The following MCTP2 variants were observed in gnomAD, a reference collection of about 807,000 sequenced individuals.
MCTP2 encodes the protein multiple C2 and transmembrane domain-containing protein 2.
In MCTP2, 132 loss-of-function variants were observed where a neutral mutation model predicts 111.6. That is an observed-to-expected ratio of 1.18 (90% confidence interval 1.03 to 1.37). The LOEUF is 1.37. MCTP2 is among the 40% of genes most tolerant of loss of function. The probability of loss-of-function intolerance (pLI) is 0.00; values close to 1 mark genes in which losing one functional copy is unlikely to be tolerated. For synonymous variants in MCTP2, 395 were observed against 387.7 expected (o/e 1.02, Z -0.22); for missense variants, 1,183 against 1,067.9 (o/e 1.11, Z -1.50).
intron 19 of MCTP2, among the ~76,000 whole-genome samples, chr15:94,443,214 T>G (rs1379518761): frequency 1.3e-5 from 2 of 152,124 alleles, no homozygotes; most frequent in African/African-American, 4.8e-5. Flanking sequence ...GGCCTTTCAT[T>G]GGATACAAGC....
rs1289511083 is a variant in MCTP2, at chr15:94,398,996, G to C, written c.1824G>C (p.Lys608Asn). 6.4e-7 allele frequency: 1 copy of C among 1,562,688 alleles called. No individual in the cohort carries two copies. Among genetic ancestry groups the C allele is most frequent in the South Asian group, 1.1e-5 (1 of 89,912 alleles). Residue 608 changes from lysine (K) to asparagine (N), a missense_variant, in exon 15 of 23, where the codon AAG becomes AAC. Lys to Asn is a moderately conservative substitution (Grantham distance 94). Transcript: ENST00000357742. ...GACAACCGAATTGTTATGTACTAAA[G>C]AATAAAGATTTAGAACAAGCTTTTA... ...RDGQPNCYVLKNKDLEQAFKG... is the reference protein window; with the variant it reads ...RDGQPNCYVLNNKDLEQAFKG...
intron 14 of MCTP2, among the ~76,000 whole-genome samples, chr15:94,393,956 A>G (rs1303967796): frequency 3.4e-5 from 5 of 149,108 alleles, no homozygotes; most frequent in Admixed American, 2.7e-4. Context: ...AGGCTGAGGC[A>G]GGACAATCAC....
chr15:94,325,771 GCCTTACCGAAATTCTGAACCTACTCTA>G (rs2076833826), intron 4 of MCTP2, among the ~76,000 whole-genome samples: 1 of 148,770 alleles, frequency 6.7e-6, no homozygotes, highest in Admixed American at 6.7e-5. Context: ...ACACCACTAG[GCCTTACCGAAATTCTGAACCTACTCTA>G]CTCCATCGCT....
chr15:94,316,491 T>C (rs1448397593), intron 4 of MCTP2, among the ~76,000 whole-genome samples: 1 of 152,224 alleles, frequency 6.6e-6, no homozygotes, highest in Non-Finnish European at 1.5e-5. Context: ...AAATGTTGCT[T>C]GACCACTTGA....
intron 1 of MCTP2, among the ~76,000 whole-genome samples, chr15:94,275,527 C>T (rs2074143578): frequency 6.8e-6 from 1 of 147,722 alleles, no homozygotes. Flanking sequence ...ATTAAAGATT[C>T]TGTTTTCCAT....
intron 17 of MCTP2, among the ~76,000 whole-genome samples, chr15:94,419,736 G>T (rs1381448617): frequency 6.7e-6 from 1 of 150,306 alleles, no homozygotes; most frequent in Non-Finnish European, 1.5e-5. Flanking sequence ...TCACTTTATT[G>T]CACTTTGCAC....
chr15:94,320,332 A>G (rs1211349015), intron 4 of MCTP2, among the ~76,000 whole-genome samples: 2 of 151,826 alleles, frequency 1.3e-5, no homozygotes, highest in Non-Finnish European at 2.9e-5. Flanking sequence ...TAGTAGAGAC[A>G]GGGTTTCACC....
chr15:94,386,187 G>A (rs938408738), intron 14 of MCTP2, among the ~76,000 whole-genome samples: 2 of 151,968 alleles, frequency 1.3e-5, no homozygotes, highest in Non-Finnish European at 2.9e-5. Context: ...GGGGAAGCTG[G>A]GGAGTGAATT....
intron 4 of MCTP2, among the ~76,000 whole-genome samples, chr15:94,334,253 A>C (rs1019055593): frequency 6.6e-6 from 1 of 152,252 alleles, no homozygotes; most frequent in African/African-American, 2.4e-5. Context: ...ATATTACGGC[A>C]TAAGGAAGCT....
At chr15:94,426,002 A>G (rs888658233) in intron 17 of MCTP2, among the ~76,000 whole-genome samples, 1 of 152,114 alleles carries the variant, frequency 6.6e-6, no homozygotes, top group East Asian at 1.9e-4. Context: ...TTTTTTGGAC[A>G]TGTCAATTGT....
chr15:94,300,509 CAAA>C (rs34484349), intron 2 of MCTP2, among the ~76,000 whole-genome samples: 2 of 126,380 alleles, frequency 1.6e-5, no homozygotes, highest in Non-Finnish European at 3.3e-5. Context: ...GACTCTGTCT[CAAA>C]AAAAAAAAAA....
intron 19 of MCTP2, among the ~76,000 whole-genome samples, chr15:94,457,492 A>C (rs929009716): frequency 6.6e-6 from 1 of 152,198 alleles, no homozygotes; most frequent in African/African-American, 2.4e-5. Context: ...GGAGATCGCA[A>C]TCAATTGCTG....
chr15:94,244,239 CGT>C (rs1567257771), intron 1 of MCTP2, among the ~76,000 whole-genome samples: 12 of 111,960 alleles, frequency 1.1e-4, no homozygotes, highest in African/African-American at 4.0e-4. Flanking sequence ...TTTATATACA[CGT>C]GTATACACAT....
At chr15:94,298,150 T>G in intron 1 of MCTP2, 51 bp from the exon 2 acceptor site, 6 of 766,874 alleles carry the variant, frequency 7.8e-6, no homozygotes, top group South Asian at 2.1e-5. Context: ...AGAAGGTTCA[T>G]GTTTTTTTTT....
chr15:94,378,669 G>T (rs1382985514), intron 12 of MCTP2, among the ~76,000 whole-genome samples: 1 of 152,186 alleles, frequency 6.6e-6, no homozygotes, highest in Non-Finnish European at 1.5e-5. Flanking sequence ...TACTGTTCTT[G>T]CAGTCCTAGT....
At chr15:94,427,393 TA>T (rs2082946055) in intron 17 of MCTP2, among the ~76,000 whole-genome samples, 1 of 152,076 alleles carries the variant, frequency 6.6e-6, no homozygotes, top group Non-Finnish European at 1.5e-5. Context: ...TCTGCAGACT[TA>T]ACAGGAAGCA....
At position 94,333,444 on chromosome 15, in the gene MCTP2, CA is replaced by C. The variant is rs139357513; in HGVS notation, c.638-5837del. 6.7e-5 allele frequency among the ~76,000 whole-genome samples: 10 copies of C among 148,560 alleles called. No homozygotes were observed. The East Asian group carries it at 1.6e-3, about 23-fold the overall frequency. The stretch of plus-strand genomic sequence containing the variant: ...TAAAAACCATTGCCATGAGTTATAT[CA>C]AAAAAAAAGCAAAGAGAAGTTGTTT... On this transcript the variant is annotated intron_variant, in intron 4 of 22. Transcript: ENST00000357742.
intron 1 of MCTP2, among the ~76,000 whole-genome samples, chr15:94,259,733 C>T (rs2073066491): frequency 6.6e-6 from 1 of 152,190 alleles, no homozygotes; most frequent in Non-Finnish European, 1.5e-5. Flanking sequence ...AAGCTTGTTG[C>T]CCTTTTGTTC....
chr15:94,303,866 C>T (rs911811303), intron 2 of MCTP2, among the ~76,000 whole-genome samples: 2 of 152,140 alleles, frequency 1.3e-5, no homozygotes, highest in East Asian at 1.9e-4. Context: ...CATAGCATGT[C>T]ACTTTTACTC....
Sources: allele counts gnomAD v4.1 joint callset (sites outside exome capture counted in the v4.1 genomes callset), GRCh38; gene constraint gnomAD v4.1.1; transcripts MANE v1.5; gene names NCBI Gene and HGNC (gene_info 2026-07-23, HGNC 2026-07-21).